LRRTM4: variants seen among roughly 807,000 people sequenced by gnomAD.
LRRTM4 encodes leucine-rich repeat transmembrane neuronal protein 4.
Under a neutral mutation model 47.6 loss-of-function variants are expected in LRRTM4, and 25 were observed. That is an observed-to-expected ratio of 0.53 (90% CI 0.38 to 0.73). LRRTM4 has a LOEUF of 0.73. Ranked by LOEUF, LRRTM4 falls within the 30% of genes least tolerant of loss-of-function variation. The pLI is 0.00. For missense variants in LRRTM4, 638 were observed against 713.4 expected (o/e 0.89, Z 1.20); for synonymous variants, 311 against 269.5 (o/e 1.15, Z -1.51).
chr2:77,123,017 A>G (rs1036378188), intron 3 of LRRTM4, among the ~76,000 whole-genome samples: 2 of 152,024 alleles, frequency 1.3e-5, no homozygotes, highest in Middle Eastern at 3.4e-3. Context: ...TCAATGTGTT[A>G]AGAACAAAGA....
intron 3 of LRRTM4, among the ~76,000 whole-genome samples, chr2:76,919,982 C>T (rs1674383388): frequency 1.3e-5 from 2 of 151,894 alleles, no homozygotes; most frequent in African/African-American, 2.4e-5. Flanking sequence ...TTTTGAAATG[C>T]TATTTACTTC....
At chr2:77,374,814 A>C (rs1475294920) in intron 3 of LRRTM4, among the ~76,000 whole-genome samples, 2 of 151,770 alleles carry the variant, frequency 1.3e-5, no homozygotes. Flanking sequence ...ATAAATTTTA[A>C]GTTCCAAAAG....
chr2:76,809,938 C>A (rs373711485), intron 3 of LRRTM4, among the ~76,000 whole-genome samples: 16 of 152,268 alleles, frequency 1.1e-4, no homozygotes, highest in Admixed American at 3.9e-4. Context: ...ATTCAAACCT[C>A]ATAGACTCCT....
At chr2:77,477,945 AAGAAAGAAAGAAAGAAAG>A (rs1677497266) in intron 3 of LRRTM4, among the ~76,000 whole-genome samples, 1 of 146,056 alleles carries the variant, frequency 6.8e-6, no homozygotes, top group African/African-American at 2.6e-5. Context: ...GAAAGAAAGA[AAGAAAGAAAGAAAGAAAG>A]AAAGAAAAAG....
At chr2:76,934,911 G>A (rs900584966) in intron 3 of LRRTM4, among the ~76,000 whole-genome samples, 4 of 151,812 alleles carry the variant, frequency 2.6e-5, no homozygotes, top group Non-Finnish European at 4.4e-5. Flanking sequence ...TATGATTAAA[G>A]TAAAACTTTG....
chr2:77,341,833 A>G (rs918780156), intron 3 of LRRTM4, among the ~76,000 whole-genome samples: 4 of 151,966 alleles, frequency 2.6e-5, no homozygotes, highest in Non-Finnish European at 5.9e-5. Context: ...GAAAGAAAGC[A>G]TTTGTAAAAA....
intron 3 of LRRTM4, among the ~76,000 whole-genome samples, chr2:77,145,701 G>A (rs1381716721): frequency 1.3e-5 from 2 of 151,888 alleles, no homozygotes; most frequent in Non-Finnish European, 2.9e-5. Flanking sequence ...GTGAACCCGG[G>A]AGGCGGAGCT....
At chr2:77,309,708 TAGATA>T (rs1024000870) in intron 3 of LRRTM4, among the ~76,000 whole-genome samples, 3 of 151,548 alleles carry the variant, frequency 2.0e-5, no homozygotes, top group Non-Finnish European at 4.4e-5. Flanking sequence ...GATAGATAGA[TAGATA>T]GATAGATAGA....
intron 3 of LRRTM4, among the ~76,000 whole-genome samples, chr2:77,171,052 TAC>T (rs986946891): frequency 6.6e-6 from 1 of 151,790 alleles, no homozygotes; most frequent in African/African-American, 2.4e-5. Flanking sequence ...TATGCTTTAG[TAC>T]ACACACACAT....
In LRRTM4 at chr2:77,124,496, T is replaced by C. The variant is rs1031834200; in HGVS notation, c.1552-375580A>G. ...CGAGTTCAGAAGTTTTAAAGAAAAC[T>C]TACTGTCAATGAGCCAATTTTTGTG... On this transcript the variant is annotated intron_variant, in intron 3 of 3. Transcript: ENST00000409884. 2.0e-5 allele frequency among the ~76,000 whole-genome samples: 3 copies of C among 152,250 alleles called. No homozygotes were observed. In the East Asian group the frequency reaches 5.8e-4, roughly 29 times the overall value.
chr2:77,484,712 AC>A (rs1418394061), intron 3 of LRRTM4, among the ~76,000 whole-genome samples: 1 of 152,182 alleles, frequency 6.6e-6, no homozygotes, highest in East Asian at 1.9e-4. Context: ...TTAATTTAAA[AC>A]TATTTTTATT....
rs146235977 is a variant in LRRTM4 at position 76,845,750 on chromosome 2, T to C, written c.1552-96834A>G. Among the ~76,000 whole-genome samples, 443 of 152,314 alleles carry C rather than the reference T, an allele frequency of 2.9e-3. 8 individuals carry two copies. The highest frequency in any genetic ancestry group is 0.019 in the East Asian group (98 of 5,160). ...TAAATGTGTCTCCAGTGTGACAGTG[T>C]TCTTCATATGAATGCTGCAGAAATG... On this transcript the variant is annotated intron_variant, in intron 3 of 3. Coordinates refer to ENST00000409884, the MANE Select transcript of LRRTM4 (RefSeq NM_001134745.3).
chr2:77,184,750 A>T (rs1436688388), intron 3 of LRRTM4, among the ~76,000 whole-genome samples: 2 of 152,148 alleles, frequency 1.3e-5, no homozygotes, highest in African/African-American at 4.8e-5. Flanking sequence ...CTCTTTATAT[A>T]AAAGTGGAAA....
intron 3 of LRRTM4, among the ~76,000 whole-genome samples, chr2:77,206,451 C>G (rs1165210970): frequency 6.6e-6 from 1 of 151,914 alleles, no homozygotes; most frequent in Non-Finnish European, 1.5e-5. Context: ...TCCTAAAGTG[C>G]TGGGATTACA....
chr2:76,920,328 T>G (rs1303840027), intron 3 of LRRTM4, among the ~76,000 whole-genome samples: 2 of 152,192 alleles, frequency 1.3e-5, no homozygotes, highest in Non-Finnish European at 2.9e-5. Context: ...AATCCTAGCT[T>G]TCCAGTAGTT....
intron 3 of LRRTM4, among the ~76,000 whole-genome samples, chr2:76,960,559 C>T (rs1231332274): frequency 1.4e-5 from 2 of 147,112 alleles, no homozygotes; most frequent in Non-Finnish European, 3.1e-5. Flanking sequence ...GTGGTATCTT[C>T]AACTCAAATA....
intron 3 of LRRTM4, among the ~76,000 whole-genome samples, chr2:77,056,855 T>TAAA (rs1679625107): frequency 6.6e-6 from 1 of 152,220 alleles, no homozygotes; most frequent in African/African-American, 2.4e-5. Context: ...ATAGGCAAGG[T>TAAA]AAAACTTCTG....
At chr2:76,810,172 ACACT>A (rs544628250) in intron 3 of LRRTM4, among the ~76,000 whole-genome samples, 107 of 152,334 alleles carry the variant, frequency 7.0e-4, no homozygotes, top group African/African-American at 2.5e-3. Flanking sequence ...GTGGCACTTC[ACACT>A]CACTCACTAA....
chr2:77,150,170 T>C (rs1317865581), intron 3 of LRRTM4, among the ~76,000 whole-genome samples: 1 of 152,062 alleles, frequency 6.6e-6, no homozygotes, highest in East Asian at 1.9e-4. Context: ...AAAATCATAA[T>C]AGGAGTTTAT....
Sources: allele counts gnomAD v4.1 joint callset (sites outside exome capture counted in the v4.1 genomes callset), GRCh38; gene constraint gnomAD v4.1.1; transcripts MANE v1.5; gene names NCBI Gene and HGNC (gene_info 2026-07-23, HGNC 2026-07-21).